AGBL4: variants seen among roughly 807,000 people sequenced by gnomAD.
AGBL4 encodes the protein cytosolic carboxypeptidase 6.
A neutral mutation model predicts 66.4 loss-of-function variants in AGBL4; 58 were observed. That is an observed-to-expected ratio of 0.87 (90% CI 0.71 to 1.09). AGBL4 has a LOEUF of 1.09. Among genes scored for constraint, AGBL4 ranks in the 50% least tolerant of loss-of-function variants. The pLI, the probability that AGBL4 is intolerant of heterozygous loss-of-function variation, is 0.00. For synonymous variants in AGBL4, 234 were observed against 222.9 expected, an observed-to-expected ratio of 1.05 and a Z score of -0.44; for missense variants, 579 against 631.0, an observed-to-expected ratio of 0.92 and a Z score of 0.88.
intron 3 of AGBL4, among the ~76,000 whole-genome samples, chr1:49,404,888 T>C (rs987044514): frequency 2.0e-5 from 3 of 152,216 alleles, no homozygotes; most frequent in African/African-American, 7.2e-5. Flanking sequence ...AATTGAATCA[T>C]GTAGAACCAG....
chr1:49,846,172 T>C lies in AGBL4; in HGVS notation c.157+5224A>G, dbSNP rs150324945. 62 of 1,455,368 alleles carry C rather than the reference T, an allele frequency of 4.3e-5. No homozygotes were observed. The African/African-American group carries it at 7.8e-4, about 18-fold the overall frequency. The allele number at this position is 1,455,368 out of a possible 1,614,324, so 90.2% of individuals were successfully genotyped here. A position where few individuals can be genotyped will look rare whatever the true frequency, so the allele number is the denominator to read the frequency against. On this transcript the variant is annotated intron_variant, in intron 2 of 13. Coordinates refer to ENST00000371839, the MANE Select transcript of AGBL4 (RefSeq NM_032785.4). ...AAAAGCCCTATGGGTTCAATAAGTG[T>C]GGGAAATCCTTCAACCACAGCTCCT...
At position 49,062,431 on chromosome 1, in the gene AGBL4, GT is replaced by G. The variant is rs143644741; in HGVS notation, c.378-16632del. On this transcript the variant is annotated intron_variant, in intron 4 of 13. Coordinates refer to ENST00000371839, the MANE Select transcript of AGBL4 (RefSeq NM_032785.4). Reference sequence around the variant, plus strand: ...CTTTGTTCCATTAGAGTAGGTCCATGTTTCTATTTGTACACCATGAATCCCT... The same window carrying G: ...CTTTGTTCCATTAGAGTAGGTCCATGTTCTATTTGTACACCATGAATCCCT... Among the ~76,000 whole-genome samples, 238 of 152,268 alleles carry G rather than the reference GT, an allele frequency of 1.6e-3. 9 individuals are homozygous for G. In the East Asian group the frequency reaches 0.039, roughly 25 times the overall value.
chr1:49,636,628 T>C lies in AGBL4; in HGVS notation c.282+60685A>G, dbSNP rs148184276. Among the ~76,000 whole-genome samples the C allele has an allele frequency of 2.7e-3, 409 of 152,300 alleles. 1 individual carries two copies. The highest frequency in any genetic ancestry group is 9.3e-3 in the African/African-American group (385 of 41,548). Reference sequence around the variant, plus strand: ...AAGAAACTAGACATAAAAATGTACATATGTATGTATGATTACATTTATATG... The same window carrying C: ...AAGAAACTAGACATAAAAATGTACACATGTATGTATGATTACATTTATATG... On this transcript the variant is annotated intron_variant, in intron 3 of 13. Coordinates refer to ENST00000371839, the MANE Select transcript of AGBL4 (RefSeq NM_032785.4).
intron 3 of AGBL4, among the ~76,000 whole-genome samples, chr1:49,627,033 T>C (rs975582646): frequency 6.6e-6 from 1 of 152,148 alleles, no homozygotes; most frequent in East Asian, 1.9e-4. Flanking sequence ...GCATCTGCTG[T>C]TGCTCATGGA....
At chr1:49,176,043 A>C (rs1275894893) in intron 4 of AGBL4, among the ~76,000 whole-genome samples, 1 of 152,178 alleles carries the variant, frequency 6.6e-6, no homozygotes, top group Non-Finnish European at 1.5e-5. Flanking sequence ...GCATAGTGTC[A>C]TGAAGGAGAA....
At chr1:49,593,417 A>T (rs1225331264) in intron 3 of AGBL4, among the ~76,000 whole-genome samples, 1 of 152,156 alleles carries the variant, frequency 6.6e-6, no homozygotes, top group Non-Finnish European at 1.5e-5. Flanking sequence ...AAAAAAATTC[A>T]AAATAAATAA....
intron 2 of AGBL4, among the ~76,000 whole-genome samples, chr1:49,841,444 T>G (rs1302219470): frequency 1.3e-5 from 2 of 152,180 alleles, no homozygotes; most frequent in African/African-American, 4.8e-5. Flanking sequence ...AATTCAATGT[T>G]ATTTCAACCA....
intron 1 of AGBL4, among the ~76,000 whole-genome samples, chr1:49,954,430 G>A (rs1656420442): frequency 6.6e-6 from 1 of 151,870 alleles, no homozygotes; most frequent in South Asian, 2.1e-4. Context: ...TGAGTTGTGG[G>A]TACCCGCTCC....
chr1:49,711,964 T>A (rs1200654680), intron 2 of AGBL4, among the ~76,000 whole-genome samples: 4 of 152,026 alleles, frequency 2.6e-5, no homozygotes, highest in African/African-American at 9.6e-5. Context: ...AATTAATTCA[T>A]TTTTATGTGC....
intron 3 of AGBL4, among the ~76,000 whole-genome samples, chr1:49,440,491 G>A (rs1646003331): frequency 6.6e-6 from 1 of 152,170 alleles, no homozygotes; most frequent in African/African-American, 2.4e-5. Flanking sequence ...AAGGAGTTTA[G>A]TGACTCTATA....
At chr1:49,025,471 T>C (rs1229347132) in intron 5 of AGBL4, 1 of 152,174 alleles carries the variant, frequency 6.6e-6, no homozygotes, top group East Asian at 1.9e-4. Flanking sequence ...GTCAGAGCCC[T>C]CACTCCTCCT....
intron 2 of AGBL4, among the ~76,000 whole-genome samples, chr1:49,726,500 G>A (rs1202039561): frequency 1.3e-5 from 2 of 152,102 alleles, no homozygotes; most frequent in East Asian, 3.9e-4. Flanking sequence ...TGAGACAATA[G>A]AAACCCTAAC....
intron 6 of AGBL4, among the ~76,000 whole-genome samples, chr1:48,709,445 C>G (rs944485574): frequency 6.6e-6 from 1 of 152,136 alleles, no homozygotes; most frequent in African/African-American, 2.4e-5. Context: ...ATACACTAAT[C>G]TAAATAGTTA....
chr1:48,676,277 G>A (rs889764426), intron 6 of AGBL4, among the ~76,000 whole-genome samples: 9 of 152,262 alleles, frequency 5.9e-5, no homozygotes, highest in African/African-American at 2.2e-4. Flanking sequence ...AAAGGCTTGA[G>A]TGGGGGGTCT....
chr1:49,391,046 G>C (rs957894052), intron 3 of AGBL4, among the ~76,000 whole-genome samples: 1 of 152,142 alleles, frequency 6.6e-6, no homozygotes, highest in Non-Finnish European at 1.5e-5. Flanking sequence ...TCTTAGAAAA[G>C]AGTGCTGAAG....
intron 6 of AGBL4, among the ~76,000 whole-genome samples, chr1:48,848,607 G>C (rs886305332): frequency 6.6e-6 from 1 of 152,010 alleles, no homozygotes; most frequent in Non-Finnish European, 1.5e-5. Flanking sequence ...CATTGAAATC[G>C]ATACCTGCAA....
At chr1:49,670,559 T>C (rs1474695839) in intron 3 of AGBL4, among the ~76,000 whole-genome samples, 1 of 152,144 alleles carries the variant, frequency 6.6e-6, no homozygotes, top group Admixed American at 6.6e-5. Flanking sequence ...TCCCTGGCTA[T>C]AGGTATAGGT....
At chr1:48,741,732 G>A (rs1405158412) in intron 6 of AGBL4, among the ~76,000 whole-genome samples, 1 of 152,142 alleles carries the variant, frequency 6.6e-6, no homozygotes, top group Non-Finnish European at 1.5e-5. Context: ...AATAAACAGA[G>A]ACCTTTTGAA....
chr1:49,192,578 C>T (rs1647142179), intron 4 of AGBL4, among the ~76,000 whole-genome samples: 2 of 152,220 alleles, frequency 1.3e-5, no homozygotes, highest in South Asian at 2.1e-4. Context: ...GGATTACAGG[C>T]ATAAGCCACC....
Sources: allele counts gnomAD v4.1 joint callset (sites outside exome capture counted in the v4.1 genomes callset), GRCh38; gene constraint gnomAD v4.1.1; transcripts MANE v1.5; gene names NCBI Gene and HGNC (gene_info 2026-07-23, HGNC 2026-07-21).